TLN2: variants seen among roughly 807,000 people sequenced by gnomAD.
The protein encoded by TLN2 is talin-2.
TLN2 carries 118 observed loss-of-function variants against 294.7 expected under a neutral mutation model. The ratio of observed to expected loss-of-function variants is 0.40; its 90% CI spans 0.34 to 0.47. TLN2 has a LOEUF of 0.47. TLN2 is among the 20% of genes least tolerant of loss of function. The pLI is 0.84. For missense variants in TLN2, 3,083 were observed against 3,282.2 expected, an observed-to-expected ratio of 0.94 and a Z score of 1.48; for synonymous variants, 1,431 against 1,304.5, an observed-to-expected ratio of 1.10 and a Z score of -2.09.
chr15:62,404,662 T>C (rs2033272263), intron 1 of TLN2, among the ~76,000 whole-genome samples: 1 of 152,174 alleles, frequency 6.6e-6, no homozygotes, highest in African/African-American at 2.4e-5. Flanking sequence ...TAAATGAGGC[T>C]ATTTCCCAAG....
At chr15:62,784,101 A>G (rs1236270484) in intron 45 of TLN2, 1 of 754,178 alleles carries the variant, frequency 1.3e-6, no homozygotes, top group African/African-American at 1.7e-5. Context: ...AGACTGGCCA[A>G]GAACTGGGGC....
chr15:62,594,962 C>G (rs1355770298), intron 2 of TLN2, among the ~76,000 whole-genome samples: 2 of 152,084 alleles, frequency 1.3e-5, no homozygotes, highest in Non-Finnish European at 2.9e-5. Flanking sequence ...GAAAACAACC[C>G]TATTAAAAAT....
chr15:62,659,788 C>A (rs1025422906), intron 9 of TLN2, among the ~76,000 whole-genome samples: 2 of 152,180 alleles, frequency 1.3e-5, no homozygotes, highest in South Asian at 2.1e-4. Context: ...TTAATTAGGC[C>A]AAATTAGGTA....
chr15:62,763,212 T>G (rs1408137079), intron 39 of TLN2: 1 of 154,596 alleles, frequency 6.5e-6, no homozygotes, highest in African/African-American at 2.6e-5. Flanking sequence ...GTGCTGACCT[T>G]TTTTTTTTTT....
chr15:62,698,791 C>G lies in TLN2; in HGVS notation c.1511C>G (p.Thr504Arg), dbSNP rs143977613. The G allele has an allele frequency of 9.3e-6, 15 of 1,612,214 alleles. No individual in the cohort carries two copies. The highest frequency in any genetic ancestry group is 1.6e-4 in the Middle Eastern group (1 of 6,082). ...CAGGCCCTGATGGGGACCATCAACA[C>G]AAGCATGCACGCCGTCCAGCAGGCC... ...AQQALMGTIN[T>R]SMHAVQQAQD... The change falls in exon 16 of 59, where the codon ACA becomes AGA. Residue 504 changes from threonine (T) to arginine (R), a missense_variant. Thr to Arg is a moderately conservative substitution (Grantham distance 71, BLOSUM62 -1). Coordinates refer to ENST00000636159, the MANE Select transcript of TLN2 (RefSeq NM_015059.3).
intron 50 of TLN2, 36 bp downstream of exon 50, chr15:62,800,805 A>C (rs754996825): frequency 1.3e-6 from 2 of 1,567,190 alleles, no homozygotes; most frequent in African/African-American, 2.7e-5. Context: ...TGGGTACCAG[A>C]GTCCCACAGC....
chr15:62,711,333 T>C (rs1050592856), intron 21 of TLN2, among the ~76,000 whole-genome samples: 1 of 152,148 alleles, frequency 6.6e-6, no homozygotes, highest in African/African-American at 2.4e-5. Flanking sequence ...CAAAAAAGGA[T>C]GAGCAGAGAG....
intron 11 of TLN2, among the ~76,000 whole-genome samples, 190 bp downstream of exon 11, chr15:62,675,511 A>C (rs1463733862): frequency 5.3e-5 from 8 of 152,174 alleles, no homozygotes; most frequent in African/African-American, 1.9e-4. Flanking sequence ...CTGGTGAGTG[A>C]GCGCTGCTGT....
intron 1 of TLN2, among the ~76,000 whole-genome samples, chr15:62,467,814 C>T (rs1028670182): frequency 6.6e-6 from 1 of 152,192 alleles, no homozygotes; most frequent in Admixed American, 6.5e-5. Flanking sequence ...GAATGGCTTC[C>T]CTAGTGTCAG....
chr15:62,755,744 CG>C lies in TLN2; in HGVS notation c.4638+56del, dbSNP rs1567535870. 2.5e-6 allele frequency: 4 copies of C among 1,598,698 alleles called. 1 individual carries two copies. The South Asian group carries it at 4.5e-5, about 18-fold the overall frequency. ...TTGAACTCTGTAACTCCTGTTCTGG[CG>C]GGGGAAGGGGAACAAGATTTAAGCT... On this transcript the variant is annotated intron_variant, in intron 37 of 58. Coordinates refer to ENST00000636159, the MANE Select transcript of TLN2 (RefSeq NM_015059.3).
In TLN2 at chr15:62,745,328, T is replaced by A. The variant is rs2061554081; in HGVS notation, c.4026-3023T>A. On this transcript the variant is annotated intron_variant, in intron 32 of 58. Transcript: ENST00000636159. The stretch of plus-strand genomic sequence containing the variant: ...TGTGGCTTTGATCACTAAAAAAAGA[T>A]GGTAAAAAAAAAATAAAAGTAACTG... 2.6e-5 allele frequency among the ~76,000 whole-genome samples: 4 copies of A among 151,776 alleles called. No homozygotes were observed. The South Asian group carries it at 8.3e-4, about 32-fold the overall frequency.
intron 1 of TLN2, among the ~76,000 whole-genome samples, chr15:62,503,075 CTA>C (rs747686054): frequency 8.6e-5 from 13 of 151,404 alleles, no homozygotes; most frequent in Admixed American, 3.9e-4. Flanking sequence ...GTCATAGTGC[CTA>C]TGTTTGTGTG....
intron 11 of TLN2, among the ~76,000 whole-genome samples, 179 bp from the exon 12 acceptor site, chr15:62,686,462 G>A (rs2057299939): frequency 6.6e-6 from 1 of 151,992 alleles, no homozygotes; most frequent in Non-Finnish European, 1.5e-5. Context: ...CTTTGTTTGA[G>A]TTCCCATGCC....
At chr15:62,531,954 C>T (rs2041062942) in intron 1 of TLN2, among the ~76,000 whole-genome samples, 1 of 152,148 alleles carries the variant, frequency 6.6e-6, no homozygotes, top group East Asian at 1.9e-4. Context: ...TGGGTGTCCC[C>T]CAAGTGGTGT....
rs1259245724 is a variant in TLN2 at position 62,838,838 on chromosome 15, GT to G, written c.7375-14del. 3 of 1,613,448 alleles carry G rather than the reference GT, an allele frequency of 1.9e-6. No homozygotes were observed. Among genetic ancestry groups the G allele is most frequent in the Non-Finnish European group, 2.5e-6 (3 of 1,179,690 alleles). ...GGCTGTTTCTAATGATATAATGTAT[GT>G]TTTGTTCACTCTCCAGGCGGCAGGA... On this transcript the variant is annotated splice_polypyrimidine_tract_variant and intron_variant, in intron 57 of 58. Coordinates refer to ENST00000636159, the MANE Select transcript of TLN2 (RefSeq NM_015059.3).
At chr15:62,705,541 C>T (rs528275952) in intron 19 of TLN2, among the ~76,000 whole-genome samples, 2 of 152,280 alleles carry the variant, frequency 1.3e-5, no homozygotes, top group Non-Finnish European at 2.9e-5. Context: ...TTTCTTTAAA[C>T]AATTCTAACA....
At chr15:62,775,377 T>A (rs917703420) in intron 42 of TLN2, among the ~76,000 whole-genome samples, 1 of 152,178 alleles carries the variant, frequency 6.6e-6, no homozygotes, top group Non-Finnish European at 1.5e-5. Flanking sequence ...ATCATCAAAA[T>A]AAAGCAATCT....
At chr15:62,575,449 C>T (rs2044303723) in intron 1 of TLN2, among the ~76,000 whole-genome samples, 1 of 152,166 alleles carries the variant, frequency 6.6e-6, no homozygotes, top group East Asian at 1.9e-4. Context: ...ATCACTTTGT[C>T]CAATTGCTAT....
At chr15:62,548,591 A>G (rs375860795) in intron 1 of TLN2, among the ~76,000 whole-genome samples, 2 of 152,190 alleles carry the variant, frequency 1.3e-5, no homozygotes, top group African/African-American at 4.8e-5. Flanking sequence ...ACCATCAAAC[A>G]AAAGACCTGA....
Sources: allele counts gnomAD v4.1 joint callset (sites outside exome capture counted in the v4.1 genomes callset), GRCh38; gene constraint gnomAD v4.1.1; transcripts MANE v1.5; gene names NCBI Gene and HGNC (gene_info 2026-07-23, HGNC 2026-07-21).